The following TRPS1 variants were observed in gnomAD, a reference collection of about 807,000 sequenced individuals.
TRPS1 encodes the protein zinc finger transcription factor Trps1.
TRPS1 carries 6 observed loss-of-function variants against 101.2 expected under a neutral mutation model. The observed-to-expected ratio is 0.06, with a 90% CI of 0.03 to 0.12. The LOEUF (loss-of-function observed/expected upper bound fraction) is 0.12. TRPS1 is among the 10% of genes least tolerant of loss of function. The probability of loss-of-function intolerance (pLI) is 1.00; values close to 1 mark genes in which losing one functional copy is unlikely to be tolerated. For missense variants in TRPS1, 1,363 were observed against 1,567.0 expected (o/e 0.87, Z 2.20); for synonymous variants, 578 against 589.8 (o/e 0.98, Z 0.29).
chr8:115,630,119 A>G (rs756149282), intron 1 of TRPS1, among the ~76,000 whole-genome samples: 15 of 151,996 alleles, frequency 9.9e-5, no homozygotes, highest in African/African-American at 2.2e-4. Context: ...AATTGTAAAC[A>G]CAAAGCCAGA....
intron 5 of TRPS1, among the ~76,000 whole-genome samples, chr8:115,523,729 T>C (rs1476740954): frequency 6.6e-6 from 1 of 152,100 alleles, no homozygotes. Flanking sequence ...AGCATGATGA[T>C]AACAATATCC....
intron 5 of TRPS1, among the ~76,000 whole-genome samples, chr8:115,427,961 T>C (rs10099894): frequency 0.023 from 3,488 of 152,284 alleles, 127 homozygotes; most frequent in African/African-American, 0.078. Context: ...GTGACACCAC[T>C]GACTTAGCCT....
chr8:115,515,078 T>C (rs891880319), intron 5 of TRPS1: 2 of 584,420 alleles, frequency 3.4e-6, no homozygotes, highest in African/African-American at 3.7e-5. Context: ...TGTTGAGGAC[T>C]CAAGAGAAAT....
At chr8:115,449,956 A>ACACACAC (rs1813826159) in intron 5 of TRPS1, among the ~76,000 whole-genome samples, 1 of 146,922 alleles carries the variant, frequency 6.8e-6, no homozygotes, top group African/African-American at 2.5e-5. Context: ...TATGTGATTT[A>ACACACAC]ACACACACAC....
rs903863914 is a variant in TRPS1, at chr8:115,408,836, C to T, written c.*5187G>A. 1 of 152,130 alleles carries T rather than the reference C, an allele frequency of 6.6e-6. No homozygotes were observed. Among genetic ancestry groups the T allele is most frequent in the Non-Finnish European group, 1.5e-5 (1 of 67,902 alleles). The allele number at this position is 152,130 out of a possible 1,614,324, so 9.4% of individuals were successfully genotyped here. A position where few individuals can be genotyped will look rare whatever the true frequency, so the allele number is the denominator to read the frequency against. On this transcript the variant is annotated 3_prime_UTR_variant, in exon 7 of 7. Coordinates refer to ENST00000395715, the MANE Select transcript of TRPS1 (RefSeq NM_014112.5). ...GAGATGTTCCCCCCTCATGCCTCCCCCAAAGTTTTCCATGTGGTTGTCAAA... is the reference window on the plus strand; with the variant it reads ...GAGATGTTCCCCCCTCATGCCTCCCTCAAAGTTTTCCATGTGGTTGTCAAA...
chr8:115,596,685 C>A (rs1817792853), intron 4 of TRPS1, among the ~76,000 whole-genome samples: 1 of 151,534 alleles, frequency 6.6e-6, no homozygotes, highest in Non-Finnish European at 1.5e-5. Flanking sequence ...TGTATGCATA[C>A]ATATATACAT....
chr8:115,540,714 TA>T (rs1293752235), intron 5 of TRPS1, among the ~76,000 whole-genome samples: 1 of 151,918 alleles, frequency 6.6e-6, no homozygotes, highest in Non-Finnish European at 1.5e-5. Context: ...ATACTTTGGC[TA>T]AACTTTGAAT....
chr8:115,607,307 G>A (rs899539194), intron 3 of TRPS1, among the ~76,000 whole-genome samples: 1 of 152,066 alleles, frequency 6.6e-6, no homozygotes, highest in African/African-American at 2.4e-5. Context: ...ATCAGGAGAA[G>A]GGACTACGAA....
chr8:115,625,079 G>T (rs1327494796), intron 1 of TRPS1, among the ~76,000 whole-genome samples: 1 of 151,820 alleles, frequency 6.6e-6, no homozygotes, highest in Non-Finnish European at 1.5e-5. Context: ...ACAGAGCTTA[G>T]ATCACGCATC....
chr8:115,500,393 A>AT (rs1360576250), intron 5 of TRPS1, among the ~76,000 whole-genome samples: 1 of 152,044 alleles, frequency 6.6e-6, no homozygotes, highest in Non-Finnish European at 1.5e-5. Context: ...TCAGTGTAAG[A>AT]TTTTGTCTAG....
chr8:115,452,222 A>G (rs1351149032), intron 5 of TRPS1, among the ~76,000 whole-genome samples: 1 of 152,178 alleles, frequency 6.6e-6, no homozygotes, highest in Non-Finnish European at 1.5e-5. Context: ...ACTTAGTAAT[A>G]AAGTGCTAAG....
chr8:115,501,216 C>G (rs1012440822), intron 5 of TRPS1, among the ~76,000 whole-genome samples: 4 of 152,172 alleles, frequency 2.6e-5, no homozygotes, highest in African/African-American at 9.7e-5. Flanking sequence ...GTTTGGTTTA[C>G]TACGTATTCA....
intron 5 of TRPS1, among the ~76,000 whole-genome samples, chr8:115,488,003 A>G (rs1297229690): frequency 6.6e-6 from 1 of 152,168 alleles, no homozygotes; most frequent in Non-Finnish European, 1.5e-5. Context: ...TCACGAAAAG[A>G]AGAGTCAATT....
intron 5 of TRPS1, among the ~76,000 whole-genome samples, chr8:115,529,695 T>A (rs1441103883): frequency 6.6e-6 from 1 of 152,146 alleles, no homozygotes; most frequent in African/African-American, 2.4e-5. Context: ...ATCTGTATTA[T>A]ATTACAGAAA....
chr8:115,414,617 G>C lies in TRPS1; in HGVS notation c.3291C>G (p.Gly1097=). Residue 1097 remains glycine, a synonymous_variant, in exon 7 of 7, where the codon GGC becomes GGG. Transcript: ENST00000395715. This position sits in a 1 kb window ranked among gnomAD's most constrained non-coding sequence, Gnocchi z 4.8. ...GGTACTGGTACTTTTCAATAGGGCT[G>C]CCTGGTGGTGAATAATTTGGGTGTT... is the stretch of plus-strand genomic sequence containing the variant. ...PAKHPNYSPP[G]SPIEKYQYPL... is the part of the protein sequence containing the mutation. 6.2e-7 allele frequency: 1 copy of C among 1,614,036 alleles called. No individual in the cohort carries two copies. Among genetic ancestry groups the C allele is most frequent in the Non-Finnish European group, 8.5e-7 (1 of 1,179,966 alleles).
intron 5 of TRPS1, among the ~76,000 whole-genome samples, chr8:115,432,944 A>G (rs1377482531): frequency 6.6e-6 from 1 of 151,534 alleles, no homozygotes; most frequent in African/African-American, 2.4e-5. Flanking sequence ...ACGCATGTGT[A>G]TTCTTTGGTA....
intron 5 of TRPS1, chr8:115,515,364 A>C: frequency 1.5e-6 from 1 of 669,816 alleles, no homozygotes; most frequent in Non-Finnish European, 2.7e-6. Context: ...TAAGAACCTG[A>C]GATTACCCAA....
chr8:115,617,107 C>A (rs933106029), intron 3 of TRPS1, among the ~76,000 whole-genome samples: 3 of 152,158 alleles, frequency 2.0e-5, no homozygotes, highest in Non-Finnish European at 4.4e-5. Flanking sequence ...CCTTTAGATG[C>A]GTTTCAAAAT....
intron 5 of TRPS1, among the ~76,000 whole-genome samples, chr8:115,576,224 T>A (rs1817313953): frequency 6.6e-6 from 1 of 152,052 alleles, no homozygotes; most frequent in African/African-American, 2.4e-5. Context: ...CAGTTGCTTA[T>A]AACTTATGGA....
Sources: gnomAD v4.1 joint callset for allele counts (sites outside exome capture counted in the v4.1 genomes callset) on GRCh38, gnomAD v4.1.1 for gene constraint, Gnocchi (gnomAD v3.1) non-coding constraint, MANE v1.5 for transcripts, NCBI Gene and HGNC (gene_info 2026-07-23, HGNC 2026-07-21) for gene names.